LDB2: variants seen among roughly 807,000 people sequenced by gnomAD.
LDB2 encodes LIM domain-binding protein 2.
Under a neutral mutation model 44.3 loss-of-function variants are expected in LDB2, and 12 were observed. The observed-to-expected ratio is 0.27, with a 90% CI of 0.17 to 0.44. LDB2 has a LOEUF of 0.44. Ranked by LOEUF, LDB2 falls within the 20% of genes least tolerant of loss-of-function variation. The probability of loss-of-function intolerance (pLI) is 1.00; values close to 1 mark genes in which losing one functional copy is unlikely to be tolerated. For synonymous variants in LDB2, 164 were observed against 174.8 expected (o/e 0.94, Z 0.49); for missense variants, 344 against 473.5 (o/e 0.73, Z 2.54).
At chr4:16,732,022 T>A (rs776038338) in intron 2 of LDB2, among the ~76,000 whole-genome samples, 42 of 152,312 alleles carry the variant, frequency 2.8e-4, no homozygotes, top group Non-Finnish European at 5.4e-4. Flanking sequence ...GAAAAGTAGA[T>A]CCTTTCCCTC....
At chr4:16,729,087 C>A (rs940413765) in intron 2 of LDB2, among the ~76,000 whole-genome samples, 1 of 152,172 alleles carries the variant, frequency 6.6e-6, no homozygotes, top group Admixed American at 6.5e-5. Flanking sequence ...GGATGACAAG[C>A]TCCTGAATTA....
chr4:16,889,562 T>C (rs1466831638), intron 1 of LDB2, among the ~76,000 whole-genome samples: 2 of 152,202 alleles, frequency 1.3e-5, no homozygotes, highest in Non-Finnish European at 2.9e-5. Flanking sequence ...CACAGATTCT[T>C]CTCCTACTGG....
At chr4:16,627,463 G>T (rs892964379) in intron 2 of LDB2, among the ~76,000 whole-genome samples, 2 of 152,056 alleles carry the variant, frequency 1.3e-5, no homozygotes, top group African/African-American at 4.8e-5. Context: ...AAGAAGGAAG[G>T]GAAAACTAAC....
At chr4:16,811,162 T>G (rs1012319793) in intron 1 of LDB2, among the ~76,000 whole-genome samples, 2 of 152,196 alleles carry the variant, frequency 1.3e-5, no homozygotes, top group Non-Finnish European at 2.9e-5. Flanking sequence ...GTTAAAAGGA[T>G]TAAGTGAACT....
At chr4:16,887,713 T>C (rs980571262) in intron 1 of LDB2, among the ~76,000 whole-genome samples, 2 of 151,976 alleles carry the variant, frequency 1.3e-5, no homozygotes, top group African/African-American at 2.4e-5. Flanking sequence ...AAAAAAGGGC[T>C]ACAAATAATT....
intron 2 of LDB2, among the ~76,000 whole-genome samples, chr4:16,693,417 G>A (rs188000582): frequency 2.3e-4 from 33 of 141,140 alleles, no homozygotes; most frequent in African/African-American, 8.5e-4. Flanking sequence ...AGTGACTGAC[G>A]CCATCGCGGC....
intron 2 of LDB2, among the ~76,000 whole-genome samples, chr4:16,608,670 G>A (rs984705324): frequency 6.6e-6 from 1 of 152,146 alleles, no homozygotes; most frequent in African/African-American, 2.4e-5. Context: ...CGGACTTTCC[G>A]CCATTATCCC....
intron 2 of LDB2, among the ~76,000 whole-genome samples, chr4:16,674,945 G>A (rs1745880065): frequency 9.1e-6 from 1 of 110,342 alleles, no homozygotes; most frequent in Admixed American, 9.0e-5. Flanking sequence ...GAACCTGAAA[G>A]CGAATTCCCT....
chr4:16,840,601 G>A (rs1212337450), intron 1 of LDB2, among the ~76,000 whole-genome samples: 2 of 152,180 alleles, frequency 1.3e-5, no homozygotes, highest in African/African-American at 2.4e-5. Context: ...TCAGTGGTTA[G>A]CTGTGAACTC....
chr4:16,800,831 A>G (rs1356633635), intron 1 of LDB2, among the ~76,000 whole-genome samples: 2 of 151,984 alleles, frequency 1.3e-5, no homozygotes, highest in African/African-American at 4.8e-5. Flanking sequence ...CCCGCCACCA[A>G]CGCCCGGCTA....
Position 16,678,211 on chromosome 4 carries a change from C to A in LDB2, c.235+80947G>T, listed in dbSNP as rs146981902. ...TTTCTTGATTATGAAGCATTTAGGACAAATAGTTGTAGGACTTACCTTCTT... is the reference window on the plus strand; with the variant it reads ...TTTCTTGATTATGAAGCATTTAGGAAAAATAGTTGTAGGACTTACCTTCTT... On this transcript the variant is annotated intron_variant, in intron 2 of 7. Transcript: ENST00000304523. Among the ~76,000 whole-genome samples the A allele has an allele frequency of 1.6e-4, 24 of 152,224 alleles. No homozygotes were observed. In the East Asian group the frequency reaches 4.4e-3, roughly 28 times the overall value.
At chr4:16,639,524 C>T (rs1488739919) in intron 2 of LDB2, among the ~76,000 whole-genome samples, 3 of 152,184 alleles carry the variant, frequency 2.0e-5, no homozygotes, top group Non-Finnish European at 4.4e-5. Context: ...TGCCATGGCA[C>T]GATCTCGGCT....
At chr4:16,618,985 A>G (rs547184215) in intron 2 of LDB2, among the ~76,000 whole-genome samples, 23 of 152,118 alleles carry the variant, frequency 1.5e-4, no homozygotes, top group Admixed American at 6.5e-5. Context: ...CGTGTAGGAC[A>G]TGCTGGCTTC....
At position 16,882,149 on chromosome 4, in the gene LDB2, G is replaced by A. The variant is rs1157812079; in HGVS notation, c.132+16205C>T. The stretch of plus-strand genomic sequence containing the variant: ...ACTCTTGGCACCCTCAGTTATAACT[G>A]GAGGTTCAGCTGGCTACCTTCCCCA... On this transcript the variant is annotated intron_variant, in intron 1 of 7. Transcript: ENST00000304523. Among the ~76,000 whole-genome samples the A allele has an allele frequency of 2.6e-5, 4 of 152,160 alleles. No homozygotes were observed. The East Asian group carries it at 7.7e-4, about 29-fold the overall frequency.
At chr4:16,659,331 C>T (rs1047370382) in intron 2 of LDB2, among the ~76,000 whole-genome samples, 6 of 152,106 alleles carry the variant, frequency 3.9e-5, no homozygotes, top group South Asian at 4.1e-4. Context: ...TCGGCATCCC[C>T]GGAGCCGCTC....
intron 1 of LDB2, among the ~76,000 whole-genome samples, chr4:16,850,392 A>G (rs1468288787): frequency 6.6e-6 from 1 of 152,178 alleles, no homozygotes; most frequent in African/African-American, 2.4e-5. Context: ...TGATGGTTAT[A>G]TCTACATTAT....
chr4:16,885,261 G>A (rs577349319), intron 1 of LDB2, among the ~76,000 whole-genome samples: 3 of 151,940 alleles, frequency 2.0e-5, no homozygotes, highest in African/African-American at 7.2e-5. Context: ...TCGAGTCTTG[G>A]AGGTCGAGGC....
At chr4:16,896,990 T>A (rs970332178) in intron 1 of LDB2, among the ~76,000 whole-genome samples, 48 of 152,248 alleles carry the variant, frequency 3.2e-4, no homozygotes, top group African/African-American at 1.1e-3. Flanking sequence ...AGCAGTCATA[T>A]TTAGCGTCTA....
intron 3 of LDB2, among the ~76,000 whole-genome samples, chr4:16,589,791 A>G (rs2152431276): frequency 6.6e-6 from 1 of 152,254 alleles, no homozygotes; most frequent in South Asian, 2.1e-4. Flanking sequence ...AAGCAGTACA[A>G]AATAGCGGGC....
Sources: gnomAD v4.1 joint callset for allele counts (sites outside exome capture counted in the v4.1 genomes callset) on GRCh38, gnomAD v4.1.1 for gene constraint, MANE v1.5 for transcripts, NCBI Gene and HGNC (gene_info 2026-07-23, HGNC 2026-07-21) for gene names.